The following ARHGEF6 variants were observed in gnomAD, a reference collection of about 807,000 sequenced individuals.
ARHGEF6 encodes the protein Rac/Cdc42 guanine nucleotide exchange factor 6, also known as rho guanine nucleotide exchange factor 6.
Under a neutral mutation model 70.3 loss-of-function variants are expected in ARHGEF6, and 9 were observed. The observed-to-expected ratio is 0.13, with a 90% CI of 0.08 to 0.22. The LOEUF (loss-of-function observed/expected upper bound fraction) is 0.22, where lower values mean the gene tolerates loss of function less well. ARHGEF6 is among the 10% of genes least tolerant of loss of function. The pLI, the probability that ARHGEF6 is intolerant of heterozygous loss-of-function variation, is 1.00. For missense variants in ARHGEF6, 470 were observed against 563.0 expected, an observed-to-expected ratio of 0.83 and a Z score of 1.67; for synonymous variants, 201 against 207.8, an observed-to-expected ratio of 0.97 and a Z score of 0.28.
In ARHGEF6 at chrX:136,711,757, C is replaced by T. The variant is rs1297924651; in HGVS notation, c.827+1519G>A. ...TGTATTTTTAGTAGAGATGGGGTTT[C>T]GCCATGTTGCCCAGATTGGTCTTGA... On this transcript the variant is annotated intron_variant, in intron 7 of 21. Coordinates refer to ENST00000250617, the MANE Select transcript of ARHGEF6 (RefSeq NM_004840.3). Among the ~76,000 whole-genome samples the T allele has an allele frequency of 9.0e-5, 10 of 111,141 alleles. No individual in the cohort carries two copies. The Admixed American group carries it at 9.5e-4, about 11-fold the overall frequency.
chrX:136,727,381 CTTTCTTTCTTTCTT>C (rs1379796814), intron 6 of ARHGEF6, among the ~76,000 whole-genome samples: 132 of 72,642 alleles, frequency 1.8e-3, no homozygotes, highest in Admixed American at 3.7e-3. Flanking sequence ...TTCTTTCTTT[CTTTCTTTCTTTCTT>C]TCTCTCTCTC....
At chrX:136,757,848 C>T (rs1317534008) in intron 2 of ARHGEF6, among the ~76,000 whole-genome samples, 1 of 111,080 alleles carries the variant, frequency 9.0e-6, no homozygotes, top group Non-Finnish European at 1.9e-5. Context: ...TGGACAAGTT[C>T]TTGCTAAGTG....
At chrX:136,694,697 G>A (rs1036844218) in intron 9 of ARHGEF6, among the ~76,000 whole-genome samples, 19 of 111,567 alleles carry the variant, frequency 1.7e-4, no homozygotes, top group African/African-American at 5.9e-4. Flanking sequence ...GAGAGAAGAG[G>A]GTATTTTTGT....
chrX:136,740,721 G>C (rs2077033389), intron 5 of ARHGEF6, among the ~76,000 whole-genome samples: 1 of 111,657 alleles, frequency 9.0e-6, no homozygotes, highest in Non-Finnish European at 1.9e-5. Flanking sequence ...TATAAGGAGA[G>C]TCGTCAAAGT....
chrX:136,755,414 C>G, intron 2 of ARHGEF6, among the ~76,000 whole-genome samples: 1 of 111,779 alleles, frequency 8.9e-6, no homozygotes, highest in Non-Finnish European at 1.9e-5. Context: ...TCCTCCGTGC[C>G]TGTTTAACAA....
intron 6 of ARHGEF6, among the ~76,000 whole-genome samples, chrX:136,731,516 C>T (rs1029542293): frequency 1.8e-5 from 2 of 111,595 alleles, no homozygotes; most frequent in Non-Finnish European, 3.8e-5. Flanking sequence ...GAGAATGATG[C>T]GATTTCTTTT....
At chrX:136,684,809 T>C (rs2076367759) in intron 12 of ARHGEF6, among the ~76,000 whole-genome samples, 1 of 111,822 alleles carries the variant, frequency 8.9e-6, no homozygotes, top group Non-Finnish European at 1.9e-5. Context: ...TCTGCTCCAT[T>C]CCCAGTGTTA....
rs1276574396 is a variant in ARHGEF6, at chrX:136,667,880, CG to C, written c.*148del. 9.2e-6 allele frequency: 7 copies of C among 760,458 alleles called. No individual in the cohort carries two copies. The highest frequency in any genetic ancestry group is 1.4e-5 in the Non-Finnish European group (7 of 510,524). The allele number at this position is 760,458 out of a possible 1,213,427, so 62.7% of individuals were successfully genotyped here. On this transcript the variant is annotated 3_prime_UTR_variant, in exon 22 of 22. Transcript: ENST00000250617. Reference sequence around the variant, plus strand: ...TGCACGCACACACATATGCACACAGCGGGGAGAGAAAGAGAAGAGAGAGGGA... The same window carrying C: ...TGCACGCACACACATATGCACACAGCGGGAGAGAAAGAGAAGAGAGAGGGA...
intron 5 of ARHGEF6, among the ~76,000 whole-genome samples, chrX:136,737,683 G>T (rs141198814): frequency 1.0e-5 from 1 of 96,724 alleles, no homozygotes; most frequent in African/African-American, 4.2e-5. Context: ...GTGAGATCCC[G>T]TGTTAAAAAA....
At position 136,703,102 on chromosome X, in the gene ARHGEF6, T is replaced by C. The variant is rs893791926; in HGVS notation, c.1046+3806A>G. On this transcript the variant is annotated intron_variant, in intron 9 of 21. Transcript: ENST00000250617. ...ACTCAAAATTAATTAAAGACCTAAA[T>C]ATAAAAGCTAAGATTATAAAACTCT... 6.3e-5 allele frequency among the ~76,000 whole-genome samples: 7 copies of C among 111,600 alleles called. No homozygotes were observed. In the East Asian group the frequency reaches 2.0e-3, roughly 31 times the overall value.
chrX:136,678,091 A>G, intron 16 of ARHGEF6, 135 bp from the exon 17 acceptor site: 1 of 583,839 alleles, frequency 1.7e-6, no homozygotes. Context: ...AGGGAATATA[A>G]TCACATTTCC....
In ARHGEF6 at chrX:136,680,763, T is replaced by C; in HGVS notation, c.1672A>G (p.Lys558Glu). The C allele has an allele frequency of 8.3e-7, 1 of 1,211,810 alleles. No individual in the cohort carries two copies. The highest frequency in any genetic ancestry group is 1.1e-6 in the Non-Finnish European group (1 of 895,348). ...GCACTACATGATGACGATGAGGTTTTGGATAATGAACTGCAAGAGGCAGGT... is the reference window on the plus strand; with the variant it reads ...GCACTACATGATGACGATGAGGTTTCGGATAATGAACTGCAAGAGGCAGGT... ...RGPASCSSLS[K>E]TSSSSCSAHS... The change falls in exon 15 of 22, where the codon AAA becomes GAA. Residue 558 changes from lysine (K) to glutamate (E), a missense_variant. By Grantham distance (56) the Lys-to-Glu change is moderately conservative. Around this residue, in one of 3 missense-constraint regions of ARHGEF6, gnomAD observed 379 missense variants for 449.3 expected, o/e 0.84. Transcript: ENST00000250617.
At chrX:136,698,320 A>G (rs60879716) in intron 9 of ARHGEF6, among the ~76,000 whole-genome samples, 1 of 111,634 alleles carries the variant, frequency 9.0e-6, no homozygotes, top group Non-Finnish European at 1.9e-5. Flanking sequence ...CTAAAAAGAG[A>G]GGAGAGAGAG....
In ARHGEF6 at chrX:136,667,048, TCA is replaced by T. The variant is rs1315236798; in HGVS notation, c.*979_*980del. 1.8e-5 allele frequency: 2 copies of T among 112,729 alleles called. No individual in the cohort carries two copies. The highest frequency in any genetic ancestry group is 6.5e-5 in the African/African-American group (2 of 31,002). 9.3% of individuals were successfully genotyped at this position (112,729 alleles called of 1,213,427 possible). ...GCAGATTGTTTTGAAGGATAAAACA[TCA>T]CAGTTTGAATATGCAACGTACATAA... On this transcript the variant is annotated 3_prime_UTR_variant, in exon 22 of 22. Coordinates refer to ENST00000250617, the MANE Select transcript of ARHGEF6 (RefSeq NM_004840.3).
At chrX:136,695,861 A>C (rs762851164) in intron 9 of ARHGEF6, among the ~76,000 whole-genome samples, 4 of 112,028 alleles carry the variant, frequency 3.6e-5, no homozygotes. Context: ...TGCATCTATA[A>C]TTTGTTTCTT....
In ARHGEF6 at chrX:136,752,202, T is replaced by C. The variant is rs140981205; in HGVS notation, c.250-4610A>G. 4.3e-4 allele frequency among the ~76,000 whole-genome samples: 48 copies of C among 112,473 alleles called. No homozygotes were observed. The East Asian group carries it at 0.011, about 27-fold the overall frequency. On this transcript the variant is annotated intron_variant, in intron 2 of 21. Transcript: ENST00000250617. ...CCTCTAAAATGATTAATTCAACTAA[T>C]TGTAGCAAAGAGAAAATTTTCCATA...
chrX:136,706,870 A>G (rs1333140036), intron 9 of ARHGEF6, 38 bp downstream of exon 9: 2 of 1,209,205 alleles, frequency 1.7e-6, no homozygotes, highest in South Asian at 1.8e-5. Flanking sequence ...CTAAGAAAGG[A>G]TCTCATTGCA....
rs747403687 is a variant in ARHGEF6, at chrX:136,675,538, C to T, written c.1946-442G>A. 1.6e-4 allele frequency among the ~76,000 whole-genome samples: 18 copies of T among 109,665 alleles called. No homozygotes were observed. The East Asian group carries it at 2.8e-3, about 17-fold the overall frequency. On this transcript the variant is annotated intron_variant, in intron 18 of 21. Coordinates refer to ENST00000250617, the MANE Select transcript of ARHGEF6 (RefSeq NM_004840.3). ...TTCTTTTCTTTTCTTTTTTTTGAGACGGAGTCTTACACTCTTGCCCAGGCT... is the reference window on the plus strand; with the variant it reads ...TTCTTTTCTTTTCTTTTTTTTGAGATGGAGTCTTACACTCTTGCCCAGGCT...
chrX:136,741,220 T>G (rs1011021896), intron 5 of ARHGEF6, among the ~76,000 whole-genome samples: 10 of 111,742 alleles, frequency 8.9e-5, no homozygotes, highest in Non-Finnish European at 5.6e-5. Context: ...GGAACTTTCA[T>G]TATCTACATT....
Sources: allele counts gnomAD v4.1 joint callset (sites outside exome capture counted in the v4.1 genomes callset), GRCh38; gene constraint gnomAD v4.1.1; regional missense constraint gnomAD v4.1.1; transcripts MANE v1.5; gene names NCBI Gene and HGNC (gene_info 2026-07-23, HGNC 2026-07-21).